The following LARP1B variants were observed in gnomAD, a reference collection of about 807,000 sequenced individuals.
LARP1B encodes the protein La ribonucleoprotein 1B.
Under a neutral mutation model 114.2 loss-of-function variants are expected in LARP1B, and 76 were observed. The ratio of observed to expected loss-of-function variants is 0.67; its 90% CI spans 0.55 to 0.81. LARP1B has a LOEUF of 0.81. Ranked by LOEUF, LARP1B falls within the 30% of genes least tolerant of loss-of-function variation. LARP1B has a pLI of 0.00. For synonymous variants in LARP1B, 345 were observed against 348.0 expected (o/e 0.99, Z 0.10); for missense variants, 1,014 against 1,075.8 (o/e 0.94, Z 0.80).
intron 4 of LARP1B, among the ~76,000 whole-genome samples, chr4:128,081,271 G>A (rs1770261080): frequency 6.6e-6 from 1 of 150,410 alleles, no homozygotes; most frequent in Non-Finnish European, 1.5e-5. Flanking sequence ...TAGAGATGGG[G>A]TTTCACCATG....
chr4:128,082,147 G>A lies in LARP1B; in HGVS notation c.218-18G>A, dbSNP rs1770754930. 1.9e-6 allele frequency: 3 copies of A among 1,604,872 alleles called. No individual in the cohort carries two copies. Among genetic ancestry groups the A allele is most frequent in the Non-Finnish European group, 1.7e-6 (2 of 1,177,184 alleles). On this transcript the variant is annotated intron_variant, in intron 4 of 19. Coordinates refer to ENST00000326639, the MANE Select transcript of LARP1B (RefSeq NM_018078.4). ...GAAAATTGTACATTTGTCCTTAAAT[G>A]ATTTTGTTTTCTTCAAGCTAATAAG...
chr4:128,088,046 G>A (rs1440254686), intron 5 of LARP1B, among the ~76,000 whole-genome samples: 1 of 151,754 alleles, frequency 6.6e-6, no homozygotes, highest in African/African-American at 2.4e-5. Flanking sequence ...AATATAATGA[G>A]CTGAGTATGG....
chr4:128,168,717 G>T (rs1414600294), intron 12 of LARP1B, among the ~76,000 whole-genome samples: 3 of 150,522 alleles, frequency 2.0e-5, no homozygotes, highest in African/African-American at 7.3e-5. Context: ...TTAGACTCAG[G>T]TTGCTTACAT....
chr4:128,071,686 T>A (rs1029452461), intron 1 of LARP1B, among the ~76,000 whole-genome samples: 2 of 152,078 alleles, frequency 1.3e-5, no homozygotes, highest in African/African-American at 2.4e-5. Flanking sequence ...CCTCCCAAAG[T>A]GCTGGGATTA....
rs1785196396 is a variant in LARP1B at position 128,114,682 on chromosome 4, G to A, written c.1101G>A (p.Leu367=). ...GTTTGTCTACCAGTTTGCCTGACTT[G>A]GACTCAGAACCTTGGATAGAAGTTA... is the stretch of plus-strand genomic sequence containing the variant. ...SRGLSTSLPD[L]DSEPWIEVKK... Residue 367 remains leucine (L), a synonymous_variant, in exon 10 of 20, where the codon TTG becomes TTA. Transcript: ENST00000326639. 1.2e-6 allele frequency: 2 copies of A among 1,613,990 alleles called. No homozygotes were observed. The highest frequency in any genetic ancestry group is 1.7e-5 in the Admixed American group (1 of 59,980).
At chr4:128,166,508 A>G (rs1740874844) in intron 12 of LARP1B, among the ~76,000 whole-genome samples, 1 of 151,968 alleles carries the variant, frequency 6.6e-6, no homozygotes, top group East Asian at 1.9e-4. Context: ...TTTGATATAT[A>G]TATAGTGTAA....
chr4:128,148,609 A>T (rs894841243), intron 11 of LARP1B, among the ~76,000 whole-genome samples: 6 of 151,664 alleles, frequency 4.0e-5, no homozygotes, highest in African/African-American at 7.2e-5. Context: ...ATTTTTTTTT[A>T]AATTTTATTA....
At chr4:128,160,168 A>C (rs777513950) in intron 11 of LARP1B, among the ~76,000 whole-genome samples, 2 of 152,252 alleles carry the variant, frequency 1.3e-5, no homozygotes, top group African/African-American at 2.4e-5. Context: ...GTTATGTTCC[A>C]ACACAGCCAT....
intron 5 of LARP1B, among the ~76,000 whole-genome samples, chr4:128,085,353 CTT>C (rs35260726): frequency 9.3e-4 from 80 of 85,824 alleles, no homozygotes; most frequent in South Asian, 3.3e-3. Context: ...CCTTAGCTTC[CTT>C]TTTTTTTTTT....
rs1580475190 is a variant in LARP1B, at chr4:128,107,507, T to C, written c.988+194T>C. On this transcript the variant is annotated intron_variant, in intron 9 of 19. Transcript: ENST00000326639. ...AAATTAAATAAGGATTTAAGAATTA[T>C]GAGGAAAGCTGTCTTATGTTTCTTG... is the stretch of plus-strand genomic sequence containing the variant. 4 of 1,407,040 alleles carry C rather than the reference T, an allele frequency of 2.8e-6. No individual in the cohort carries two copies. In the East Asian group the frequency reaches 7.5e-5, roughly 27 times the overall value. The allele number at this position is 1,407,040 out of a possible 1,614,324, so 87.2% of individuals were successfully genotyped here.
chr4:128,157,170 T>C (rs1480988986), intron 11 of LARP1B, among the ~76,000 whole-genome samples: 1 of 152,134 alleles, frequency 6.6e-6, no homozygotes, highest in Admixed American at 6.5e-5. Flanking sequence ...AGAATTTCAG[T>C]ATAGAGCCAG....
chr4:128,109,778 T>C (rs952489164), intron 9 of LARP1B, among the ~76,000 whole-genome samples: 17 of 151,894 alleles, frequency 1.1e-4, no homozygotes, highest in Non-Finnish European at 8.8e-5. Flanking sequence ...ACACATAAAA[T>C]ATATAATCCT....
chr4:128,084,518 G>A (rs552740909), intron 5 of LARP1B, among the ~76,000 whole-genome samples: 5 of 152,140 alleles, frequency 3.3e-5, no homozygotes, highest in East Asian at 1.9e-4. Context: ...GCAGGCACTC[G>A]GCAGGCTGAG....
chr4:128,129,057 C>T (rs960206870), intron 11 of LARP1B, among the ~76,000 whole-genome samples: 1 of 150,768 alleles, frequency 6.6e-6, no homozygotes, highest in African/African-American at 2.4e-5. Context: ...CCCAGCTACT[C>T]AGGAGGTTGA....
intron 1 of LARP1B, among the ~76,000 whole-genome samples, chr4:128,072,917 A>G (rs1765940836): frequency 6.6e-6 from 1 of 152,118 alleles, no homozygotes; most frequent in African/African-American, 2.4e-5. Context: ...ATACATATAC[A>G]GCTTTGTCTG....
At chr4:128,179,307 T>C in intron 14 of LARP1B, 99 bp from the exon 15 acceptor site, 1 of 666,308 alleles carries the variant, frequency 1.5e-6, no homozygotes, top group Non-Finnish European at 2.5e-6. Context: ...ATCTACAGTA[T>C]GAAAATGTTT....
At chr4:128,195,204 C>G (rs953113396) in intron 15 of LARP1B, among the ~76,000 whole-genome samples, 1 of 152,112 alleles carries the variant, frequency 6.6e-6, no homozygotes, top group African/African-American at 2.4e-5. Flanking sequence ...AAGTCCTAGG[C>G]TTATTGATAG....
downstream of LARP1B, among the ~76,000 whole-genome samples, chr4:128,212,487 AAT>A (rs1181303991): frequency 6.6e-6 from 1 of 151,994 alleles, no homozygotes; most frequent in Non-Finnish European, 1.5e-5. Flanking sequence ...CTCTACTAAA[AAT>A]ACAAAAAACT....
At chr4:128,120,905 G>T (rs927756886) in intron 10 of LARP1B, among the ~76,000 whole-genome samples, 4 of 149,910 alleles carry the variant, frequency 2.7e-5, no homozygotes, top group Non-Finnish European at 5.9e-5. Context: ...CTGGCTCCCA[G>T]GTTCAAGCAA....
Sources: gnomAD v4.1 joint callset for allele counts (sites outside exome capture counted in the v4.1 genomes callset) on GRCh38, gnomAD v4.1.1 for gene constraint, MANE v1.5 for transcripts, NCBI Gene and HGNC (gene_info 2026-07-23, HGNC 2026-07-21) for gene names.